Variants in SIPA1L2 observed in about 807,000 individuals in gnomAD.
SIPA1L2 encodes signal induced proliferation associated 1 like 2, also known as signal-induced proliferation-associated 1-like protein 2.
In SIPA1L2, 56 loss-of-function variants were observed where a neutral mutation model predicts 163.9. That is an observed-to-expected ratio of 0.34 (90% CI 0.28 to 0.43). The LOEUF (loss-of-function observed/expected upper bound fraction) is 0.43. SIPA1L2 is among the 20% of genes least tolerant of loss of function. The probability of loss-of-function intolerance (pLI) is 1.00; values close to 1 mark genes in which losing one functional copy is unlikely to be tolerated. For synonymous variants in SIPA1L2, 877 were observed against 865.7 expected, an observed-to-expected ratio of 1.01 and a Z score of -0.23; for missense variants, 1,974 against 2,193.5, an observed-to-expected ratio of 0.90 and a Z score of 2.00.
intron 18 of SIPA1L2, among the ~76,000 whole-genome samples, chr1:232,423,685 A>G (rs1661709794): frequency 6.6e-6 from 1 of 152,266 alleles, no homozygotes; most frequent in African/African-American, 2.4e-5. Context: ...GTGAATGAAC[A>G]GTATAACTTG....
intron 7 of SIPA1L2, among the ~76,000 whole-genome samples, chr1:232,474,190 A>G (rs1478931447): frequency 6.6e-6 from 1 of 152,214 alleles, no homozygotes; most frequent in African/African-American, 2.4e-5. Context: ...ACTTCTTTCT[A>G]GGTATGTAAA....
chr1:232,546,107 A>G (rs1658016988), intron 2 of SIPA1L2, among the ~76,000 whole-genome samples: 3 of 152,234 alleles, frequency 2.0e-5, no homozygotes, highest in African/African-American at 7.2e-5. Flanking sequence ...CTAAATCTTC[A>G]GGCTAAAGAA....
intron 9 of SIPA1L2, chr1:232,462,207 A>T (rs756380520): frequency 3.2e-5 from 50 of 1,550,366 alleles, no homozygotes; most frequent in Non-Finnish European, 4.0e-5. Context: ...CATAGTTTAC[A>T]TCCAATGAAA....
At chr1:232,614,148 C>G (rs1190963115) in intron 1 of SIPA1L2, among the ~76,000 whole-genome samples, 1 of 152,156 alleles carries the variant, frequency 6.6e-6, no homozygotes, top group Non-Finnish European at 1.5e-5. Flanking sequence ...CATAGGCTCA[C>G]ACTCCACACA....
chr1:232,620,759 GA>G (rs1442724814), intron 1 of SIPA1L2, among the ~76,000 whole-genome samples: 2 of 152,176 alleles, frequency 1.3e-5, no homozygotes, highest in Admixed American at 1.3e-4. Flanking sequence ...CTCTACCAGG[GA>G]AACAATATTT....
intron 5 of SIPA1L2, among the ~76,000 whole-genome samples, chr1:232,486,461 G>C (rs1285857732): frequency 1.3e-5 from 2 of 152,130 alleles, no homozygotes; most frequent in African/African-American, 4.8e-5. Context: ...TGGGCCCATG[G>C]GAATCAGTGG....
Position 232,464,900 on chromosome 1 carries a change from G to A in SIPA1L2, c.2760C>T (p.Val920=). The change falls in exon 9 of 23, where the codon GTC becomes GTT. Residue 920 remains valine, a synonymous_variant. Coordinates refer to ENST00000674635, the MANE Select transcript of SIPA1L2 (RefSeq NM_020808.5). ...CACAGTTGTCTACCGAGGACAGGAG[G>A]ACACATTCTCCTCTTTCGTAAAACA... ...IKVFYERGEC[V]LLSSVDNCAE... The A allele has an allele frequency of 6.2e-7, 1 of 1,614,042 alleles. No individual in the cohort carries two copies. Among genetic ancestry groups the A allele is most frequent in the Non-Finnish European group, 8.5e-7 (1 of 1,179,964 alleles).
intron 3 of SIPA1L2, among the ~76,000 whole-genome samples, chr1:232,507,843 A>T (rs1025426728): frequency 2.6e-5 from 4 of 152,342 alleles, no homozygotes; most frequent in Middle Eastern, 3.4e-3. Flanking sequence ...ACATAATGAC[A>T]TGGAAGGGTG....
At chr1:232,616,771 A>G (rs1363907304) in intron 1 of SIPA1L2, among the ~76,000 whole-genome samples, 1 of 152,160 alleles carries the variant, frequency 6.6e-6, no homozygotes, top group Non-Finnish European at 1.5e-5. Flanking sequence ...ATGCAAAACC[A>G]CCATTAACCC....
chr1:232,563,504 A>G (rs1659162037), intron 2 of SIPA1L2, among the ~76,000 whole-genome samples: 1 of 152,142 alleles, frequency 6.6e-6, no homozygotes, highest in Admixed American at 6.5e-5. Context: ...TGAAATAGAC[A>G]AGAAGGTCTG....
intron 1 of SIPA1L2, among the ~76,000 whole-genome samples, chr1:232,578,438 T>C (rs1213632482): frequency 6.6e-6 from 1 of 152,074 alleles, no homozygotes; most frequent in Non-Finnish European, 1.5e-5. Context: ...AAAGGCATGA[T>C]ATTCTACAAT....
At chr1:232,552,968 C>G (rs1399162006) in intron 2 of SIPA1L2, among the ~76,000 whole-genome samples, 2 of 152,136 alleles carry the variant, frequency 1.3e-5, no homozygotes, top group Non-Finnish European at 2.9e-5. Context: ...CTGCGACTCC[C>G]AAAGCCCCAG....
chr1:232,471,847 A>T (rs1404739572), intron 7 of SIPA1L2, among the ~76,000 whole-genome samples: 2 of 152,166 alleles, frequency 1.3e-5, no homozygotes, highest in African/African-American at 2.4e-5. Context: ...ACACTTTGAG[A>T]AATGTTGTAG....
rs142070056 is a variant in SIPA1L2 at position 232,587,527 on chromosome 1, C to CT, written c.-318-13306dup. 2.0e-5 allele frequency among the ~76,000 whole-genome samples: 3 copies of CT among 152,212 alleles called. No individual in the cohort carries two copies. In the South Asian group the frequency reaches 6.2e-4, roughly 32 times the overall value. On this transcript the variant is annotated intron_variant, in intron 1 of 22. Coordinates refer to ENST00000674635, the MANE Select transcript of SIPA1L2 (RefSeq NM_020808.5). ...CTAGAATTCTAAAGCTGTTATTTGC[C>CT]TTTTTGTACAGCATCAACAGTACAA... is the stretch of plus-strand genomic sequence containing the variant.
At chr1:232,549,460 T>C (rs924716744) in intron 2 of SIPA1L2, among the ~76,000 whole-genome samples, 3 of 152,234 alleles carry the variant, frequency 2.0e-5, no homozygotes, top group African/African-American at 7.2e-5. Flanking sequence ...CTGACCACTT[T>C]AGAGTGTAAG....
chr1:232,457,947 CAA>C (rs1187614978), intron 10 of SIPA1L2, among the ~76,000 whole-genome samples: 1 of 152,086 alleles, frequency 6.6e-6, no homozygotes, highest in Non-Finnish European at 1.5e-5. Context: ...TCAAAACTAA[CAA>C]AAATATGGAT....
intron 22 of SIPA1L2, among the ~76,000 whole-genome samples, chr1:232,401,354 T>C (rs1660328350): frequency 6.6e-6 from 1 of 152,202 alleles, no homozygotes; most frequent in African/African-American, 2.4e-5. Flanking sequence ...CAGGTATCGC[T>C]TTAATTTATG....
intron 19 of SIPA1L2, among the ~76,000 whole-genome samples, chr1:232,413,808 G>A (rs994377216): frequency 1.3e-5 from 2 of 152,206 alleles, no homozygotes; most frequent in Non-Finnish European, 2.9e-5. Context: ...GTTACACAGT[G>A]AGGCCACACA....
chr1:232,608,737 T>C (rs779714369), intron 1 of SIPA1L2, among the ~76,000 whole-genome samples: 9 of 152,052 alleles, frequency 5.9e-5, no homozygotes, highest in Non-Finnish European at 8.8e-5. Context: ...TGATAAGCAC[T>C]CCAACTAAGG....
Sources: gnomAD v4.1 joint callset for allele counts (sites outside exome capture counted in the v4.1 genomes callset) on GRCh38, gnomAD v4.1.1 for gene constraint, MANE v1.5 for transcripts, NCBI Gene and HGNC (gene_info 2026-07-23, HGNC 2026-07-21) for gene names.